FAT1: variants seen among roughly 807,000 people sequenced by gnomAD.
FAT1 encodes protocadherin Fat 1.
Under a neutral mutation model 329.8 loss-of-function variants are expected in FAT1, and 171 were observed. The observed-to-expected ratio is 0.52, with a 90% CI of 0.46 to 0.59. The LOEUF (loss-of-function observed/expected upper bound fraction) is 0.59, where lower values mean the gene tolerates loss of function less well. Ranked by LOEUF, FAT1 falls within the 20% of genes least tolerant of loss-of-function variation. The pLI is 0.00. For missense variants in FAT1, 5,672 were observed against 5,774.4 expected, an observed-to-expected ratio of 0.98 and a Z score of 0.57; for synonymous variants, 2,233 against 2,228.6, an observed-to-expected ratio of 1.00 and a Z score of -0.06.
chr4:186,602,759 G>A, intron 20 of FAT1, 144 bp downstream of exon 20: 1 of 942,850 alleles, frequency 1.1e-6, no homozygotes, highest in Non-Finnish European at 1.5e-6. Context: ...ACTTACTACT[G>A]TCATTCTTTA....
chr4:186,683,289 T>C (rs1039752343), intron 2 of FAT1, among the ~76,000 whole-genome samples: 2 of 152,096 alleles, frequency 1.3e-5, no homozygotes, highest in African/African-American at 4.8e-5. Flanking sequence ...ATCTCTGTGT[T>C]GACTCGTGTC....
intron 13 of FAT1, among the ~76,000 whole-genome samples, chr4:186,612,705 T>C (rs1739503226): frequency 6.6e-6 from 1 of 152,228 alleles, no homozygotes; most frequent in Non-Finnish European, 1.5e-5. Context: ...ATACATTCTA[T>C]AGTCCAATTT....
intron 7 of FAT1, among the ~76,000 whole-genome samples, chr4:186,630,846 G>A (rs954946891): frequency 6.6e-6 from 1 of 152,136 alleles, no homozygotes; most frequent in Admixed American, 6.5e-5. Flanking sequence ...GCTGATGCTC[G>A]AGAGAAAGTT....
In FAT1 at chr4:186,664,992, T is replaced by C. The variant is rs189419751; in HGVS notation, c.3266-1379A>G. 2.5e-3 allele frequency among the ~76,000 whole-genome samples: 388 copies of C among 152,322 alleles called. 2 individuals carry two copies. Among genetic ancestry groups the C allele is most frequent in the African/African-American group, 8.8e-3 (367 of 41,570 alleles). ...AAATTAAATATTAACTTATTCGAGG[T>C]TAATATCAGAAAAACTCATTTTTTG... On this transcript the variant is annotated intron_variant, in intron 2 of 26. Transcript: ENST00000441802.
rs1387935642 is a variant in FAT1, at chr4:186,619,633, A to G, written c.6953T>C (p.Ile2318Thr). The G allele has an allele frequency of 6.2e-7, 1 of 1,613,974 alleles. No homozygotes were observed. Among genetic ancestry groups the G allele is most frequent in the Admixed American group, 1.7e-5 (1 of 60,016 alleles). ...GTGATTCCCAAACATCTGGTATGAG[A>G]TTCCTCTATTTGGTTCTGAATCAGA... is the stretch of plus-strand genomic sequence containing the variant. ...TDSDSEPNRG[I>T]SYQMFGNHSK... Residue 2318 changes from isoleucine (I) to threonine (T), a missense_variant, in exon 10 of 27, where the codon ATC becomes ACC. Physicochemically the swap from Ile to Thr is moderately conservative, Grantham distance 89. Transcript: ENST00000441802.
intron 2 of FAT1, among the ~76,000 whole-genome samples, chr4:186,700,403 C>G (rs749545089): frequency 5.9e-5 from 9 of 152,226 alleles, no homozygotes; most frequent in Non-Finnish European, 1.3e-4. Flanking sequence ...TTCACCCACG[C>G]CTTCGCTGGC....
At chr4:186,667,184 G>A (rs369223727) in intron 2 of FAT1, among the ~76,000 whole-genome samples, 10 of 152,282 alleles carry the variant, frequency 6.6e-5, no homozygotes, top group African/African-American at 1.9e-4. Context: ...TTTTTCCGTC[G>A]TGCCTTATTT....
intron 16 of FAT1, among the ~76,000 whole-genome samples, chr4:186,608,608 G>C (rs1037384309): frequency 2.0e-5 from 3 of 152,158 alleles, no homozygotes; most frequent in African/African-American, 4.8e-5. Context: ...AGAATCTGCA[G>C]ATAGAGGGGA....
At position 186,627,901 on chromosome 4, in the gene FAT1, G is replaced by A. The variant is rs562428786; in HGVS notation, c.4810+253C>T. ...GGTCAAATAAAGTTTCCTCTACTAC[G>A]TGGCTTCTCAGAGCCTTGAACTGGG... On this transcript the variant is annotated intron_variant, in intron 9 of 26. Transcript: ENST00000441802. Among the ~76,000 whole-genome samples, 209 of 151,918 alleles carry A rather than the reference G, an allele frequency of 1.4e-3. 1 individual carries two copies. Among genetic ancestry groups the A allele is most frequent in the South Asian group, 5.4e-3 (26 of 4,806 alleles).
Position 186,597,720 on chromosome 4 carries a change from G to C in FAT1, c.12330C>G (p.Gly4110=), listed in dbSNP as rs116628547. 1.2e-6 allele frequency: 2 copies of C among 1,613,710 alleles called. No homozygotes were observed. Among genetic ancestry groups the C allele is most frequent in the African/African-American group, 2.7e-5 (2 of 74,930 alleles). ...AACCCGAATCACACTGACAAACGGC[G>C]CCATCCAAACTGTCAAAGCATGTTC... ...NGGTCFDSLD[G]AVCQCDSGFR... The change falls in exon 24 of 27, where the codon GGC becomes GGG. Residue 4110 remains glycine (G), a synonymous_variant. Coordinates refer to ENST00000441802, the MANE Select transcript of FAT1 (RefSeq NM_005245.4).
At chr4:186,627,055 A>T (rs200064433) in intron 9 of FAT1, among the ~76,000 whole-genome samples, 10 of 98,812 alleles carry the variant, frequency 1.0e-4, no homozygotes, top group Non-Finnish European at 2.0e-4. Flanking sequence ...ATGGCACCTG[A>T]CACATAAAGT....
At chr4:186,644,905 A>T (rs189806613) in intron 3 of FAT1, among the ~76,000 whole-genome samples, 1 of 152,208 alleles carries the variant, frequency 6.6e-6, no homozygotes, top group Non-Finnish European at 1.5e-5. Flanking sequence ...AAGTGGAGAT[A>T]AGACAGTCTT....
intron 2 of FAT1, among the ~76,000 whole-genome samples, chr4:186,669,062 C>G (rs1219656763): frequency 1.3e-5 from 2 of 152,186 alleles, no homozygotes; most frequent in South Asian, 2.1e-4. Flanking sequence ...CACGACCTCA[C>G]CTTTTTGGGC....
chr4:186,637,579 A>G (rs1258888920), intron 4 of FAT1, among the ~76,000 whole-genome samples: 1 of 152,212 alleles, frequency 6.6e-6, no homozygotes, highest in African/African-American at 2.4e-5. Flanking sequence ...CTATCCATAT[A>G]TTCTTATATT....
At chr4:186,608,925 G>A (rs182743545) in intron 16 of FAT1, among the ~76,000 whole-genome samples, 14 of 152,220 alleles carry the variant, frequency 9.2e-5, no homozygotes, top group Admixed American at 9.2e-4. Flanking sequence ...GCTTTAGGAA[G>A]TGTCTCAGAA....
chr4:186,591,278 A>C (rs1474946195), intron 26 of FAT1, among the ~76,000 whole-genome samples: 4 of 152,248 alleles, frequency 2.6e-5, no homozygotes, highest in Admixed American at 6.5e-5. Flanking sequence ...GTGATTTTTT[A>C]AACAAGGCTT....
chr4:186,600,088 A>T lies in FAT1; in HGVS notation c.11913T>A (p.Asn3971Lys), dbSNP rs1428689535. The T allele has an allele frequency of 6.2e-7, 1 of 1,614,038 alleles. No individual in the cohort carries two copies. The highest frequency in any genetic ancestry group is 8.5e-7 in the Non-Finnish European group (1 of 1,179,902). ...TGGAGTCCATACAACCCCTGAAACC[A>T]TTACCAACTTGAGGACTTCTTCCAT... ...TRHGRSPQVG[N>K]GFRGCMDSIY... Residue 3971 changes from asparagine (N) to lysine (K), a missense_variant, in exon 22 of 27, where the codon AAT becomes AAA. Transcript: ENST00000441802.
rs754757646 is a variant in FAT1 at position 186,618,104 on chromosome 4, C to G, written c.8482G>C (p.Val2828Leu). ...GCATCAGATGCCCTGATCTGAATTA[C>G]TCTACTTCCCCCTGGCAGGTTTTCA... is the stretch of plus-strand genomic sequence containing the variant. The part of the protein sequence containing the change: ...IVENLPGGSR[V>L]IQIRASDADS... Residue 2828 changes from valine (V) to leucine (L), a missense_variant, in exon 10 of 27, where the codon GTA becomes CTA. Around this residue, in one of 2 missense-constraint regions of FAT1, gnomAD observed 3,966 missense variants for 3,915.2 expected, o/e 1.01. Coordinates refer to ENST00000441802, the MANE Select transcript of FAT1 (RefSeq NM_005245.4). 7 of 1,614,046 alleles carry G rather than the reference C, an allele frequency of 4.3e-6. No individual in the cohort carries two copies. Among genetic ancestry groups the G allele is most frequent in the Non-Finnish European group, 5.9e-6 (7 of 1,179,902 alleles).
Position 186,708,721 on chromosome 4 carries a change from C to T in FAT1, c.1107G>A (p.Lys369=). Residue 369 remains lysine, a synonymous_variant, in exon 2 of 27, where the codon AAG becomes AAA. Coordinates refer to ENST00000441802, the MANE Select transcript of FAT1 (RefSeq NM_005245.4). ...CACTTATTTCTGCTCTGTAAACATCCTTTTCAAACTTGACTGGCCCGGCTT... is the reference window on the plus strand; with the variant it reads ...CACTTATTTCTGCTCTGTAAACATCTTTTTCAAACTTGACTGGCCCGGCTT... The part of the protein sequence containing the change: ...QFKAGPVKFE[K]DVYRAEISEF... 6.2e-7 allele frequency: 1 copy of T among 1,613,922 alleles called. No homozygotes were observed. Among genetic ancestry groups the T allele is most frequent in the Non-Finnish European group, 8.5e-7 (1 of 1,179,882 alleles).
Sources: gnomAD v4.1 joint callset for allele counts (sites outside exome capture counted in the v4.1 genomes callset) on GRCh38, gnomAD v4.1.1 for gene constraint, gnomAD v4.1.1 regional missense constraint, MANE v1.5 for transcripts, NCBI Gene and HGNC (gene_info 2026-07-23, HGNC 2026-07-21) for gene names.